PWWP3A: variants seen among roughly 807,000 people sequenced by gnomAD.
The protein encoded by PWWP3A is PWWP domain containing 3A, DNA repair factor, also known as PWWP domain-containing DNA repair factor 3A.
Under a neutral mutation model 79.0 loss-of-function variants are expected in PWWP3A, and 53 were observed. The observed-to-expected ratio is 0.67, with a 90% confidence interval of 0.54 to 0.84. PWWP3A has a LOEUF of 0.84. Among genes scored for constraint, PWWP3A ranks in the 40% least tolerant of loss-of-function variants. The pLI, the probability that PWWP3A is intolerant of heterozygous loss-of-function variation, is 0.00. For synonymous variants in PWWP3A, 443 were observed against 394.4 expected, an observed-to-expected ratio of 1.12 and a Z score of -1.46; for missense variants, 973 against 948.0, an observed-to-expected ratio of 1.03 and a Z score of -0.35.
At chr19:1,376,306 T>C (rs34424585) in intron 13 of PWWP3A, among the ~76,000 whole-genome samples, 1 of 104,588 alleles carries the variant, frequency 9.6e-6, no homozygotes, top group Non-Finnish European at 1.9e-5. Context: ...TTTTTTTTTT[T>C]GTTTGTTTTT....
intron 4 of PWWP3A, 76 bp downstream of exon 4, chr19:1,358,540 T>C (rs763365947): frequency 2.5e-6 from 4 of 1,604,602 alleles, no homozygotes; most frequent in Non-Finnish European, 3.4e-6. Flanking sequence ...AAGGCTCAGC[T>C]TTCTGGGTAA....
At chr19:1,374,160 G>T (rs550945733) in intron 13 of PWWP3A, 2 of 152,106 alleles carry the variant, frequency 1.3e-5, no homozygotes, top group African/African-American at 2.4e-5. Flanking sequence ...ACCGCTCCAC[G>T]CCCATCTGTG....
At chr19:1,358,876 T>G in intron 4 of PWWP3A, 1 of 408,142 alleles carries the variant, frequency 2.5e-6, no homozygotes, top group Non-Finnish European at 4.8e-6. Flanking sequence ...TGAGAAGCAG[T>G]TGGTTGTGTG....
rs560881776 is a variant in PWWP3A, at chr19:1,355,098, G to A, written c.-107G>A. On this transcript the variant is annotated 5_prime_UTR_variant, in exon 1 of 14. Transcript: ENST00000591337. ...TGCGGCCGCTGCGGCCTCCTTGCCC[G>A]GGCTTGGGGCGCCGCGCTGGGGAAA... 43 of 152,258 alleles carry A rather than the reference G, an allele frequency of 2.8e-4. No individual in the cohort carries two copies. Among genetic ancestry groups the A allele is most frequent in the African/African-American group, 9.2e-4 (38 of 41,444 alleles). The allele number at this position is 152,258 out of a possible 1,614,324, so 9.4% of individuals were successfully genotyped here.
rs2082427020 is a variant in PWWP3A, at chr19:1,377,518, C to G, written c.*942C>G. 6.6e-6 allele frequency: 1 copy of G among 152,396 alleles called. No individual in the cohort carries two copies. Among genetic ancestry groups the G allele is most frequent in the South Asian group, 2.1e-4 (1 of 4,840 alleles). The allele number at this position is 152,396 out of a possible 1,614,324, so 9.4% of individuals were successfully genotyped here. A position where few individuals can be genotyped will look rare whatever the true frequency, so the allele number is the denominator to read the frequency against. ...CCAACCGCGCTCCCGTCTGGAGAAG[C>G]GGCTTCCGGGGTGTGGCTGCCGGGT... On this transcript the variant is annotated 3_prime_UTR_variant, in exon 14 of 14. Coordinates refer to ENST00000591337, the MANE Select transcript of PWWP3A (RefSeq NM_001369789.1).
Position 1,356,588 on chromosome 19 carries a change from CA to C in PWWP3A, c.57+140del. 4.6e-5 allele frequency: 35 copies of C among 759,438 alleles called. No individual in the cohort carries two copies. The South Asian group carries it at 6.4e-4, about 14-fold the overall frequency. The allele number at this position is 759,438 out of a possible 1,614,324, so 47.0% of individuals were successfully genotyped here. ...ACGGTTGGCACTGATTCTCGTTCCCCATTTAATGGGGTTTTGGTCTAGTGCT... is the reference window on the plus strand; with the variant it reads ...ACGGTTGGCACTGATTCTCGTTCCCCTTTAATGGGGTTTTGGTCTAGTGCT... On this transcript the variant is annotated intron_variant, in intron 2 of 13. Coordinates refer to ENST00000591337, the MANE Select transcript of PWWP3A (RefSeq NM_001369789.1).
chr19:1,375,449 A>T (rs1215304835), intron 13 of PWWP3A, among the ~76,000 whole-genome samples: 5 of 111,088 alleles, frequency 4.5e-5, no homozygotes, highest in South Asian at 2.7e-4. Context: ...ATATATATTT[A>T]TATATAATGT....
At chr19:1,358,772 A>AG in intron 4 of PWWP3A, 4 of 964,520 alleles carry the variant, frequency 4.1e-6, no homozygotes, top group Non-Finnish European at 3.0e-6. Context: ...TGCTGCCATA[A>AG]GGGGGGAGGT....
chr19:1,375,214 TC>T (rs1354956287), intron 13 of PWWP3A, among the ~76,000 whole-genome samples: 1 of 129,056 alleles, frequency 7.7e-6, no homozygotes, highest in East Asian at 2.2e-4. Context: ...AGAGCGAGAC[TC>T]CGTTTCAAAA....
At chr19:1,358,692 T>G in intron 4 of PWWP3A, 1 of 1,519,020 alleles carries the variant, frequency 6.6e-7, no homozygotes, top group South Asian at 1.2e-5. Flanking sequence ...ACGCCCAGAA[T>G]GGTCAGTGGT....
chr19:1,360,818 GA>G lies in PWWP3A; in HGVS notation c.902del (p.Lys301ArgfsTer37). The G allele has an allele frequency of 6.3e-7, 1 of 1,578,412 alleles. No individual in the cohort carries two copies. The highest frequency in any genetic ancestry group is 8.6e-7 in the Non-Finnish European group (1 of 1,163,654). Reference protein sequence around the residue: ...ACSEPGECPAKKRPRLDGSQR... With the variant: ...ACSEPGECPAXKRPRLDGSQR... ...GCTCAGAGCCTGGAGAATGCCCTGC[GA>G]AAAAGAGGCCGCGCCTGGATGGCAG... On this transcript the variant is annotated frameshift_variant, in exon 5 of 14. Coordinates refer to ENST00000591337, the MANE Select transcript of PWWP3A (RefSeq NM_001369789.1). LOFTEE classifies it high-confidence loss of function. The surrounding 1 kb of genome is among the most constrained non-coding windows in gnomAD (Gnocchi z 4.4).
At chr19:1,357,981 TGAATACTCGAGTTTAAAAG>T (rs2081920322) in intron 3 of PWWP3A, 1 of 166,464 alleles carries the variant, frequency 6.0e-6, no homozygotes, top group African/African-American at 2.4e-5. Context: ...GGAAGGTAAT[TGAATACTCGAGTTTAAAAG>T]GAAAGCACAT....
intron 3 of PWWP3A, chr19:1,357,390 G>A (rs1444867842): frequency 5.2e-6 from 1 of 191,608 alleles, no homozygotes; most frequent in Non-Finnish European, 1.0e-5. Context: ...GTTAAAATAG[G>A]GATATTTCCT....
In PWWP3A at chr19:1,372,958, A is replaced by G. The variant is rs1172266756; in HGVS notation, c.1987-114A>G. On this transcript the variant is annotated intron_variant, in intron 12 of 13. Transcript: ENST00000591337. ...CACCTTCTGAACCATGAGCTAGACC[A>G]TGTCTGGAGGCTGGAACCTGGTGAC... 9 of 761,552 alleles carry G rather than the reference A, an allele frequency of 1.2e-5. No homozygotes were observed. In the Admixed American group the frequency reaches 1.4e-4, roughly 12 times the overall value. The allele number at this position is 761,552 out of a possible 1,614,324, so 47.2% of individuals were successfully genotyped here. A position where few individuals can be genotyped will look rare whatever the true frequency, so the allele number is the denominator to read the frequency against.
In PWWP3A at chr19:1,373,379, G is replaced by A. The variant is rs1237167426; in HGVS notation, c.2075+219G>A. Reference sequence around the variant, plus strand: ...TGCCCGGGTCTCCCAGCTGGTCGCTGTGGGCAGCACGGGGCCACGGGCACG... The same window carrying A: ...TGCCCGGGTCTCCCAGCTGGTCGCTATGGGCAGCACGGGGCCACGGGCACG... On this transcript the variant is annotated intron_variant, in intron 13 of 13. Coordinates refer to ENST00000591337, the MANE Select transcript of PWWP3A (RefSeq NM_001369789.1). The A allele has an allele frequency of 8.5e-6, 5 of 585,624 alleles. No individual in the cohort carries two copies. In the East Asian group the frequency reaches 1.4e-4, roughly 17 times the overall value. 36.3% of individuals were successfully genotyped at this position (585,624 alleles called of 1,614,324 possible). A position where few individuals can be genotyped will look rare whatever the true frequency, so the allele number is the denominator to read the frequency against.
chr19:1,369,522 G>A lies in PWWP3A; in HGVS notation c.1499-74G>A. ...ATTATTTCCTAAACAGAGACGCCGG[G>A]CCAGCCCCTGGAACACACTTCCTGG... On this transcript the variant is annotated intron_variant, in intron 10 of 13. Transcript: ENST00000591337. This position sits in a 1 kb window ranked among gnomAD's most constrained non-coding sequence, Gnocchi z 4.0. The A allele has an allele frequency of 1.3e-6, 2 of 1,575,826 alleles. No homozygotes were observed. The highest frequency in any genetic ancestry group is 1.7e-6 in the Non-Finnish European group (2 of 1,145,948).
chr19:1,358,226 G>T (rs1224550748), intron 3 of PWWP3A, 168 bp from the exon 4 acceptor site: 5 of 561,228 alleles, frequency 8.9e-6, no homozygotes, highest in East Asian at 3.0e-5. Context: ...GGTTCTTGCT[G>T]CCTGTAACCT....
chr19:1,366,508 G>A (rs768358951), intron 8 of PWWP3A, 127 bp downstream of exon 8: 34 of 805,490 alleles, frequency 4.2e-5, no homozygotes, highest in Non-Finnish European at 7.0e-5. Flanking sequence ...GCCCGGGCAG[G>A]GCTAGTGAGG....
At chr19:1,374,002 C>G (rs2144767183) in intron 13 of PWWP3A, 1 of 152,394 alleles carries the variant, frequency 6.6e-6, no homozygotes, top group Middle Eastern at 3.4e-3. Flanking sequence ...GATACAGAAA[C>G]TGGGTGTTTT....
Sources: allele counts gnomAD v4.1 joint callset (sites outside exome capture counted in the v4.1 genomes callset), GRCh38; gene constraint gnomAD v4.1.1; non-coding constraint Gnocchi (gnomAD v3.1); transcripts MANE v1.5; gene names NCBI Gene and HGNC (gene_info 2026-07-23, HGNC 2026-07-21).